The following PIAS4 variants were observed in gnomAD, a reference collection of about 807,000 sequenced individuals.
PIAS4 encodes the protein E3 SUMO-protein ligase PIAS4.
Under a neutral mutation model 58.0 loss-of-function variants are expected in PIAS4, and 7 were observed. The observed-to-expected ratio is 0.12, with a 90% CI of 0.07 to 0.23. The LOEUF (loss-of-function observed/expected upper bound fraction) is 0.23, where lower values mean the gene tolerates loss of function less well. Ranked by LOEUF, PIAS4 falls within the 10% of genes least tolerant of loss-of-function variation. The probability of loss-of-function intolerance (pLI) is 1.00; values close to 1 mark genes in which losing one functional copy is unlikely to be tolerated. For missense variants in PIAS4, 550 were observed against 709.5 expected, an observed-to-expected ratio of 0.78 and a Z score of 2.55; for synonymous variants, 364 against 312.4, an observed-to-expected ratio of 1.17 and a Z score of -1.74.
intron 9 of PIAS4, among the ~76,000 whole-genome samples, chr19:4,036,965 GCA>G (rs370127664): frequency 1.3e-4 from 20 of 152,112 alleles, no homozygotes; most frequent in African/African-American, 2.4e-4. Flanking sequence ...ATGCACACGT[GCA>G]CACACACGCA....
intron 8 of PIAS4, 23 bp from the exon 9 acceptor site, chr19:4,033,397 C>G: frequency 1.3e-6 from 2 of 1,542,234 alleles, no homozygotes; most frequent in Non-Finnish European, 8.7e-7. Flanking sequence ...GGGTGCCCTG[C>G]TCACGCAGCC....
In PIAS4 at chr19:4,037,280, G is replaced by T; in HGVS notation, c.1143-94G>T. ...GGCTGCTCTTGCAGAGAGAAGTGGG[G>T]AGTGCCTGGCTGCATCCGGGAGGGA... On this transcript the variant is annotated intron_variant, in intron 9 of 10. Transcript: ENST00000262971. This position sits in a 1 kb window ranked among gnomAD's most constrained non-coding sequence, Gnocchi z 5.8. 6.9e-7 allele frequency: 1 copy of T among 1,457,236 alleles called. No homozygotes were observed. Among genetic ancestry groups the T allele is most frequent in the Non-Finnish European group, 9.2e-7 (1 of 1,085,452 alleles). 90.3% of individuals were successfully genotyped at this position (1,457,236 alleles called of 1,614,324 possible).
chr19:4,033,681 C>T (rs1433600350), intron 9 of PIAS4, 101 bp downstream of exon 9: 2 of 985,370 alleles, frequency 2.0e-6, no homozygotes, highest in East Asian at 2.6e-5. Flanking sequence ...CAGCAAGACA[C>T]AGCAGTGGGG....
chr19:4,027,997 C>G, intron 3 of PIAS4, 149 bp from the exon 4 acceptor site: 4 of 803,848 alleles, frequency 5.0e-6, no homozygotes, highest in Non-Finnish European at 8.8e-6. Flanking sequence ...CTCACCCAGC[C>G]CGTACAAAAG....
At chr19:4,036,591 CAT>C (rs140261145) in intron 9 of PIAS4, among the ~76,000 whole-genome samples, 1 of 145,162 alleles carries the variant, frequency 6.9e-6, no homozygotes, top group African/African-American at 2.6e-5. Flanking sequence ...TCCACACCGT[CAT>C]ACACACACAC....
At chr19:4,036,718 A>C (rs997718039) in intron 9 of PIAS4, among the ~76,000 whole-genome samples, 2 of 120,576 alleles carry the variant, frequency 1.7e-5, no homozygotes, top group Non-Finnish European at 4.0e-5. Flanking sequence ...ACACACACAC[A>C]TCTCTACAGT....
At chr19:4,012,880 G>A (rs147951053) in intron 1 of PIAS4, 43 bp from the exon 2 acceptor site, 31,347 of 1,562,036 alleles carry the variant, frequency 0.02, 354 homozygotes, top group Non-Finnish European at 0.024. Context: ...CCCCTGCCTC[G>A]CAGCTGTGTC....
At chr19:4,016,460 C>G (rs986457206) in intron 2 of PIAS4, among the ~76,000 whole-genome samples, 3 of 152,230 alleles carry the variant, frequency 2.0e-5, no homozygotes, top group Non-Finnish European at 2.9e-5. Context: ...GCACCTGTGC[C>G]CTTCAGCCTC....
chr19:4,010,635 C>T (rs776216091), intron 1 of PIAS4, among the ~76,000 whole-genome samples: 8 of 152,204 alleles, frequency 5.3e-5, no homozygotes, highest in Non-Finnish European at 1.2e-4. Context: ...ACGGGAACAC[C>T]CTTGGGAGGC....
intron 2 of PIAS4, among the ~76,000 whole-genome samples, chr19:4,020,687 T>G (rs1202350643): frequency 6.6e-6 from 1 of 152,242 alleles, no homozygotes; most frequent in African/African-American, 2.4e-5. Context: ...CTCGAACTTC[T>G]GAGCCCAAGC....
At chr19:4,035,788 T>C (rs77888912) in intron 9 of PIAS4, among the ~76,000 whole-genome samples, 1,514 of 10,276 alleles carry the variant, frequency 0.15, no homozygotes, top group Middle Eastern at 0.25. Context: ...ATACAGTCCA[T>C]ACCATCACAC....
rs538453615 is a variant in PIAS4, at chr19:4,027,663, C to T, written c.540-483C>T. On this transcript the variant is annotated intron_variant, in intron 3 of 10. Coordinates refer to ENST00000262971, the MANE Select transcript of PIAS4 (RefSeq NM_015897.4). ...CAGCCTGTGCCTCCATGGGTTCAGACGATCCCCCTGCCTCAGCCTCCAAGC... is the reference window on the plus strand; with the variant it reads ...CAGCCTGTGCCTCCATGGGTTCAGATGATCCCCCTGCCTCAGCCTCCAAGC... Among the ~76,000 whole-genome samples, 60 of 148,914 alleles carry T rather than the reference C, an allele frequency of 4.0e-4. 2 individuals are homozygous for T. The South Asian group carries it at 8.3e-3, about 21-fold the overall frequency.
At chr19:4,017,832 C>G (rs1346498035) in intron 2 of PIAS4, 1 of 152,252 alleles carries the variant, frequency 6.6e-6, no homozygotes, top group African/African-American at 2.4e-5. Flanking sequence ...CACCACCACA[C>G]CCAGCTAATT....
intron 3 of PIAS4, 87 bp from the exon 4 acceptor site, chr19:4,028,059 C>T (rs532989068): frequency 1.5e-5 from 18 of 1,241,366 alleles, no homozygotes; most frequent in African/African-American, 5.9e-5. Flanking sequence ...TGTGGTGTGG[C>T]GGTCTCCACC....
At chr19:4,035,585 C>T (rs982127704) in intron 9 of PIAS4, among the ~76,000 whole-genome samples, 5 of 152,092 alleles carry the variant, frequency 3.3e-5, no homozygotes, top group Admixed American at 6.5e-5. Flanking sequence ...GTGGGGAGCC[C>T]GCACTCTGCT....
chr19:4,019,809 C>G (rs2040090701), intron 2 of PIAS4, among the ~76,000 whole-genome samples: 1 of 152,230 alleles, frequency 6.6e-6, no homozygotes, highest in South Asian at 2.1e-4. Flanking sequence ...GGGCCAGCCA[C>G]AGACCCGGCA....
chr19:4,026,366 C>T (rs900227833), intron 3 of PIAS4, among the ~76,000 whole-genome samples: 4 of 150,720 alleles, frequency 2.7e-5, no homozygotes, highest in African/African-American at 1.0e-4. Context: ...CTCTTGACCT[C>T]GTGATCCACC....
rs542987713 is a variant in PIAS4 at position 4,036,978 on chromosome 19, C to T, written c.1143-396C>T. 2.0e-5 allele frequency among the ~76,000 whole-genome samples: 3 copies of T among 152,338 alleles called. No homozygotes were observed. The South Asian group carries it at 6.2e-4, about 32-fold the overall frequency. ...ACATGCACACGTGCACACACACGCA[C>T]ATGCTCGCACACATGCACAGATACA... On this transcript the variant is annotated intron_variant, in intron 9 of 10. Transcript: ENST00000262971.
At chr19:4,026,884 G>A (rs772776522) in intron 3 of PIAS4, among the ~76,000 whole-genome samples, 8 of 151,938 alleles carry the variant, frequency 5.3e-5, no homozygotes, top group Non-Finnish European at 1.0e-4. Context: ...GTCACACTCC[G>A]AGGCCCAGGC....
Sources: allele counts gnomAD v4.1 joint callset (sites outside exome capture counted in the v4.1 genomes callset), GRCh38; gene constraint gnomAD v4.1.1; non-coding constraint Gnocchi (gnomAD v3.1); transcripts MANE v1.5; gene names NCBI Gene and HGNC (gene_info 2026-07-23, HGNC 2026-07-21).